Variants in IAH1 observed in about 807,000 individuals in gnomAD.
IAH1 encodes isoamyl acetate hydrolyzing esterase 1 (putative).
IAH1 carries 24 observed loss-of-function variants against 26.7 expected under a neutral mutation model. The observed-to-expected ratio is 0.90, with a 90% CI of 0.65 to 1.26. The LOEUF is 1.26. Ranked by LOEUF, IAH1 falls within the 50% of genes most tolerant of loss-of-function variation. The probability of loss-of-function intolerance (pLI) is 0.00; values close to 1 mark genes in which losing one functional copy is unlikely to be tolerated. For synonymous variants in IAH1, 140 were observed against 118.5 expected, an observed-to-expected ratio of 1.18 and a Z score of -1.18; for missense variants, 300 against 299.9, an observed-to-expected ratio of 1.00 and a Z score of 0.00.
the IAH1 span, among the ~76,000 whole-genome samples, chr2:9,502,572 T>C: frequency 4.6e-5 from 7 of 152,016 alleles, no homozygotes; most frequent in African/African-American, 1.7e-4. Context: ...AACGCATTAA[T>C]TTAAAAAAGA....
downstream of IAH1, chr2:9,494,538 A>G: frequency 7.2e-7 from 1 of 1,392,744 alleles, no homozygotes; most frequent in African/African-American, 1.4e-5. Flanking sequence ...ATGTAGCCCC[A>G]CTTGTGTTTT....
At chr2:9,477,962 C>G (rs1660925075) in intron 2 of IAH1, among the ~76,000 whole-genome samples, 2 of 152,288 alleles carry the variant, frequency 1.3e-5, no homozygotes, top group African/African-American at 4.8e-5. Flanking sequence ...GTCAGGTAGT[C>G]TGTAGACTTC....
the IAH1 span, chr2:9,505,086 C>T: frequency 1.1e-5 from 16 of 1,444,150 alleles, no homozygotes; most frequent in South Asian, 1.6e-4. Context: ...GATTCTAAAG[C>T]CCCTGCAAGT....
At chr2:9,502,999 G>A in the IAH1 span, among the ~76,000 whole-genome samples, 1 of 151,606 alleles carries the variant, frequency 6.6e-6, no homozygotes, top group South Asian at 2.1e-4. Context: ...AATTAGCCGG[G>A]CATGGTGCTA....
intron 6 of IAH1, among the ~76,000 whole-genome samples, chr2:9,496,013 T>G (rs180957958): frequency 6.6e-6 from 1 of 152,156 alleles, no homozygotes; most frequent in African/African-American, 2.4e-5. Flanking sequence ...CTTCTTTACC[T>G]ACACATTATT....
At chr2:9,505,201 G>A in the IAH1 span, 1 of 1,614,186 alleles carries the variant, frequency 6.2e-7, no homozygotes. Context: ...TGCAGTCGCT[G>A]TTGCAGCAGG....
At chr2:9,481,148 CCTT>C (rs796470811) in intron 3 of IAH1, 135 bp from the exon 4 acceptor site, 19 of 903,738 alleles carry the variant, frequency 2.1e-5, no homozygotes, top group African/African-American at 1.0e-4. Flanking sequence ...AAGGAGAAAA[CCTT>C]CTCTTTGTGT....
chr2:9,502,101 CAT>C, the IAH1 span: 5 of 1,352,392 alleles, frequency 3.7e-6, no homozygotes, highest in Admixed American at 5.4e-5. Context: ...CTGAACAAAA[CAT>C]AATCTTGTTT....
rs1475028724 is a variant in IAH1 at position 9,484,666 on chromosome 2, T to C, written c.564+116T>C. The C allele has an allele frequency of 1.7e-5, 11 of 659,150 alleles. No individual in the cohort carries two copies. In the East Asian group the frequency reaches 2.2e-4, roughly 13 times the overall value. The allele number at this position is 659,150 out of a possible 1,614,324, so 40.8% of individuals were successfully genotyped here. A position where few individuals can be genotyped will look rare whatever the true frequency, so the allele number is the denominator to read the frequency against. ...TGCTTAGCTAAGACAGTCATCCCTT[T>C]AGCCAATGAAAACAAACAGGCTTGG... On this transcript the variant is annotated intron_variant, in intron 5 of 5. Coordinates refer to ENST00000497473, the MANE Select transcript of IAH1 (RefSeq NM_001039613.3).
upstream of IAH1, among the ~76,000 whole-genome samples, chr2:9,474,278 C>T (rs1430293353): frequency 6.6e-6 from 1 of 152,186 alleles, no homozygotes; most frequent in Non-Finnish European, 1.5e-5. This position sits in a 1 kb window ranked among gnomAD's most constrained non-coding sequence, Gnocchi z 4.3. Context: ...GCCGAACGCA[C>T]CTGCGCCCGC....
At chr2:9,478,798 C>T (rs1572835372) in intron 3 of IAH1, among the ~76,000 whole-genome samples, 3 of 152,240 alleles carry the variant, frequency 2.0e-5, no homozygotes. Flanking sequence ...CAATGGTGAA[C>T]GTGGGTTTGG....
chr2:9,487,397 A>G (rs991924719), intron 5 of IAH1: 1 of 152,180 alleles, frequency 6.6e-6, no homozygotes, highest in Non-Finnish European at 1.5e-5. Context: ...ATATTGACTC[A>G]TGGGGCCCCT....
chr2:9,490,595 T>TCAAA, downstream of IAH1: 1 of 1,383,070 alleles, frequency 7.2e-7, no homozygotes, highest in Non-Finnish European at 9.7e-7. Context: ...CCCTTACCCA[T>TCAAA]CAAACAGCCT....
intron 5 of IAH1, 84 bp from the exon 6 acceptor site, chr2:9,488,063 T>C: frequency 1.1e-6 from 1 of 919,256 alleles, no homozygotes; most frequent in African/African-American, 1.7e-5. Context: ...CCAGTAATCC[T>C]CGGCCCCAAA....
chr2:9,506,460 G>A, the IAH1 span, among the ~76,000 whole-genome samples: 9 of 146,684 alleles, frequency 6.1e-5, no homozygotes, highest in South Asian at 8.8e-4. Flanking sequence ...TCCGCCTCCC[G>A]GGTTCAAGTG....
downstream of IAH1, among the ~76,000 whole-genome samples, chr2:9,492,202 G>T (rs140298748): frequency 6.6e-6 from 1 of 152,196 alleles, no homozygotes; most frequent in African/African-American, 2.4e-5. Context: ...GGGAAAACAA[G>T]TCTGGAAGCC....
chr2:9,491,768 G>C (rs1321848288), downstream of IAH1, among the ~76,000 whole-genome samples: 2 of 152,196 alleles, frequency 1.3e-5, no homozygotes, highest in East Asian at 3.9e-4. Flanking sequence ...CCAGGACTAG[G>C]CTTCCTGTCT....
chr2:9,474,635 C>T lies in IAH1; in HGVS notation c.69C>T (p.Asp23=), dbSNP rs780355850. ...LLWPRLLLFG[D]SITQFSFQQG... is the part of the protein sequence containing the mutation. ...GGCCTCGCTTGTTGCTCTTCGGGGA[C>T]TCCATCACCCAGGTACGGCCGCCCC... Residue 23 remains aspartate (D), a synonymous_variant, in exon 1 of 6, where the codon GAC becomes GAT. Transcript: ENST00000497473. This position sits in a 1 kb window ranked among gnomAD's most constrained non-coding sequence, Gnocchi z 4.3. The T allele has an allele frequency of 9.0e-6, 14 of 1,554,912 alleles. No individual in the cohort carries two copies. In the South Asian group the frequency reaches 1.5e-4, roughly 17 times the overall value.
At chr2:9,486,141 A>C (rs1661465207) in intron 5 of IAH1, 1 of 152,200 alleles carries the variant, frequency 6.6e-6, no homozygotes, top group African/African-American at 2.4e-5. Context: ...CATCTGTAAT[A>C]GGGAAAATGG....
Sources: allele counts gnomAD v4.1 joint callset (sites outside exome capture counted in the v4.1 genomes callset), GRCh38; gene constraint gnomAD v4.1.1; non-coding constraint Gnocchi (gnomAD v3.1); transcripts MANE v1.5; gene names NCBI Gene and HGNC (gene_info 2026-07-23, HGNC 2026-07-21).